PTPN14: variants seen among roughly 807,000 people sequenced by gnomAD.
PTPN14 encodes the protein tyrosine-protein phosphatase non-receptor type 14.
In PTPN14, 53 loss-of-function variants were observed where a neutral mutation model predicts 126.8. The observed-to-expected ratio is 0.42, with a 90% CI of 0.34 to 0.53. PTPN14 has a LOEUF of 0.53. Among genes scored for constraint, PTPN14 ranks in the 20% least tolerant of loss-of-function variants. The pLI is 0.08. For synonymous variants in PTPN14, 630 were observed against 599.3 expected, an observed-to-expected ratio of 1.05 and a Z score of -0.75; for missense variants, 1,257 against 1,552.9, an observed-to-expected ratio of 0.81 and a Z score of 3.20.
chr1:214,458,905 ACCCAC>A (rs1660444828), intron 2 of PTPN14, among the ~76,000 whole-genome samples: 2 of 152,218 alleles, frequency 1.3e-5, no homozygotes, highest in East Asian at 1.9e-4. Context: ...AAAGGGTTAA[ACCCAC>A]TGATGCAGAC....
Position 214,384,486 on chromosome 1 carries a change from G to A in PTPN14, c.1369C>T (p.Leu457=). ...TVMRQMKRGI[L]HTDSQSQSLR... is the part of the protein sequence containing the mutation. ...GACTGGCTCTGGCTGTCTGTATGCA[G>A]GATCCCCCTCTTCATCTGGCGCATG... Residue 457 remains leucine, a synonymous_variant, in exon 13 of 19, where the codon CTG becomes TTG. Transcript: ENST00000366956. The surrounding 1 kb of genome is among the most constrained non-coding windows in gnomAD (Gnocchi z 5.3). The A allele has an allele frequency of 6.2e-7, 1 of 1,614,162 alleles. No homozygotes were observed. The highest frequency in any genetic ancestry group is 8.5e-7 in the Non-Finnish European group (1 of 1,180,042).
chr1:214,412,930 AT>A (rs1659341983), intron 4 of PTPN14, among the ~76,000 whole-genome samples: 1 of 152,104 alleles, frequency 6.6e-6, no homozygotes, highest in Non-Finnish European at 1.5e-5. Flanking sequence ...GGTGTAGTGA[AT>A]TGATCATAGC....
chr1:214,521,743 A>G (rs1655261655), intron 1 of PTPN14, among the ~76,000 whole-genome samples: 1 of 151,742 alleles, frequency 6.6e-6, no homozygotes, highest in Admixed American at 6.6e-5. Context: ...ACACACACAC[A>G]CGAACAAAAG....
Position 214,353,368 on chromosome 1 carries a change from C to G in PTPN14, c.*4554G>C, listed in dbSNP as rs1657744073. 2 of 152,120 alleles carry G rather than the reference C, an allele frequency of 1.3e-5. No homozygotes were observed. Among genetic ancestry groups the G allele is most frequent in the African/African-American group, 2.4e-5 (1 of 41,412 alleles). The allele number at this position is 152,120 out of a possible 1,614,324, so 9.4% of individuals were successfully genotyped here. On this transcript the variant is annotated 3_prime_UTR_variant, in exon 19 of 19. Transcript: ENST00000366956. The stretch of plus-strand genomic sequence containing the variant: ...ATTCAATGTAGTATTCAGCATGTGG[C>G]AAATTCAACTTTTGCTTTTTGGAAC...
At chr1:214,369,230 T>C (rs1008525715) in intron 17 of PTPN14, among the ~76,000 whole-genome samples, 1 of 152,214 alleles carries the variant, frequency 6.6e-6, no homozygotes, top group Non-Finnish European at 1.5e-5. Context: ...AGAGCCAATA[T>C]GTTGATCACA....
chr1:214,399,117 C>T (rs183936878), intron 7 of PTPN14, among the ~76,000 whole-genome samples: 2 of 152,270 alleles, frequency 1.3e-5, no homozygotes, highest in Admixed American at 6.5e-5. Flanking sequence ...TGTGAAGTAA[C>T]GCATATGTTA....
intron 1 of PTPN14, among the ~76,000 whole-genome samples, chr1:214,474,420 T>C (rs1660825806): frequency 6.6e-6 from 1 of 152,066 alleles, no homozygotes; most frequent in African/African-American, 2.4e-5. Context: ...TTAACAGATT[T>C]CAAAGAGACA....
chr1:214,378,153 T>A (rs1412527701), intron 13 of PTPN14, 51 bp from the exon 14 acceptor site: 3 of 1,545,938 alleles, frequency 1.9e-6, no homozygotes, highest in Admixed American at 1.9e-5. Context: ...TAGTAGAATG[T>A]TGGAATGTGT....
At chr1:214,510,416 CT>C (rs1654945802) in intron 1 of PTPN14, among the ~76,000 whole-genome samples, 1 of 152,196 alleles carries the variant, frequency 6.6e-6, no homozygotes, top group Non-Finnish European at 1.5e-5. Flanking sequence ...AACCTTCCAT[CT>C]ATACAAGAAA....
At chr1:214,548,038 T>C (rs1377429516) in intron 1 of PTPN14, among the ~76,000 whole-genome samples, 2 of 152,042 alleles carry the variant, frequency 1.3e-5, no homozygotes, top group African/African-American at 4.8e-5. Flanking sequence ...AACATATAAA[T>C]AGCCATCCTT....
At chr1:214,421,983 T>C (rs1461965126) in intron 3 of PTPN14, among the ~76,000 whole-genome samples, 1 of 152,092 alleles carries the variant, frequency 6.6e-6, no homozygotes, top group Non-Finnish European at 1.5e-5. Context: ...CCTCCCCAAC[T>C]CTGTCGTGAT....
intron 1 of PTPN14, among the ~76,000 whole-genome samples, chr1:214,493,968 G>T (rs943205582): frequency 6.6e-6 from 1 of 152,148 alleles, no homozygotes; most frequent in African/African-American, 2.4e-5. Flanking sequence ...CTCAATTTAC[G>T]TGGACACATC....
intron 17 of PTPN14, among the ~76,000 whole-genome samples, chr1:214,365,037 T>C (rs1205008202): frequency 1.3e-5 from 2 of 152,122 alleles, no homozygotes; most frequent in African/African-American, 4.8e-5. Flanking sequence ...ATTCCTGCTA[T>C]TAACAGACTG....
chr1:214,507,136 C>T (rs1654864315), intron 1 of PTPN14, among the ~76,000 whole-genome samples: 1 of 152,156 alleles, frequency 6.6e-6, no homozygotes, highest in Admixed American at 6.5e-5. Flanking sequence ...CACAGTTCCA[C>T]ATACTTTAAA....
At chr1:214,546,493 G>A (rs925561761) in intron 1 of PTPN14, among the ~76,000 whole-genome samples, 5 of 152,158 alleles carry the variant, frequency 3.3e-5, no homozygotes, top group South Asian at 2.1e-4. Flanking sequence ...CCCTGTGAAC[G>A]CAAAACTTGT....
chr1:214,395,043 C>T, intron 8 of PTPN14, 57 bp from the exon 9 acceptor site: 1 of 1,439,750 alleles, frequency 6.9e-7, no homozygotes, highest in South Asian at 1.1e-5. Flanking sequence ...ATTTATGATA[C>T]AGCAGAGGAG....
At chr1:214,460,319 C>T (rs1480676444) in intron 2 of PTPN14, among the ~76,000 whole-genome samples, 1 of 152,046 alleles carries the variant, frequency 6.6e-6, no homozygotes, top group Non-Finnish European at 1.5e-5. Flanking sequence ...TAGGCAGACA[C>T]AGCAAACCCT....
chr1:214,485,216 T>A (rs1421605107), intron 1 of PTPN14, among the ~76,000 whole-genome samples: 1 of 152,182 alleles, frequency 6.6e-6, no homozygotes, highest in Non-Finnish European at 1.5e-5. Flanking sequence ...CTAACATTAT[T>A]GAGCACTTAC....
At chr1:214,525,100 CTT>C (rs751950593) in intron 1 of PTPN14, among the ~76,000 whole-genome samples, 5 of 152,292 alleles carry the variant, frequency 3.3e-5, no homozygotes, top group Non-Finnish European at 5.9e-5. Flanking sequence ...CCCACAAACA[CTT>C]TAAAGAACTA....
Sources: allele counts gnomAD v4.1 joint callset (sites outside exome capture counted in the v4.1 genomes callset), GRCh38; gene constraint gnomAD v4.1.1; non-coding constraint Gnocchi (gnomAD v3.1); transcripts MANE v1.5; gene names NCBI Gene and HGNC (gene_info 2026-07-23, HGNC 2026-07-21).